CA10: variants seen among roughly 807,000 people sequenced by gnomAD.
CA10 encodes carbonic anhydrase 10 (inactive).
Under a neutral mutation model 44.2 loss-of-function variants are expected in CA10, and 14 were observed. That is an observed-to-expected ratio of 0.32 (90% CI 0.21 to 0.50). The LOEUF (loss-of-function observed/expected upper bound fraction) is 0.50, where lower values mean the gene tolerates loss of function less well. CA10 is among the 20% of genes least tolerant of loss of function. CA10 has a pLI of 0.99. For synonymous variants in CA10, 159 were observed against 141.6 expected (o/e 1.12, Z -0.87); for missense variants, 350 against 409.7 (o/e 0.85, Z 1.26).
chr17:51,868,661 GTCCAGC>G (rs1979661258), intron 3 of CA10, among the ~76,000 whole-genome samples: 1 of 151,906 alleles, frequency 6.6e-6, no homozygotes, highest in Non-Finnish European at 1.5e-5. Flanking sequence ...TCTCTCCCTA[GTCCAGC>G]ACTGCTCAGA....
At chr17:52,057,254 G>T (rs1473098854) in intron 2 of CA10, among the ~76,000 whole-genome samples, 1 of 151,946 alleles carries the variant, frequency 6.6e-6, no homozygotes, top group Non-Finnish European at 1.5e-5. Context: ...TGCCCATCCT[G>T]CTTCCCCATC....
At chr17:51,638,456 T>C (rs930747737) in intron 6 of CA10, among the ~76,000 whole-genome samples, 1 of 152,234 alleles carries the variant, frequency 6.6e-6, no homozygotes, top group Admixed American at 6.5e-5. Flanking sequence ...ACACAGTGAT[T>C]GGAATATGGC....
chr17:51,653,725 G>T lies in CA10; in HGVS notation c.477C>A (p.Ile159=). 1 of 1,602,130 alleles carries T rather than the reference G, an allele frequency of 6.2e-7. No homozygotes were observed. Among genetic ancestry groups the T allele is most frequent in the African/African-American group, 1.3e-5 (1 of 74,770 alleles). Residue 159 remains isoleucine (I), a synonymous_variant, in exon 5 of 9, where the codon ATC becomes ATA. Coordinates refer to ENST00000451037, the MANE Select transcript of CA10 (RefSeq NM_020178.5). The part of the protein sequence containing the change: ...GQAFSGEVQL[I]HYNHELYTNV... ...TCGTATATAGCTCATGGTTATAGTG[G>T]ATGAGCTGCACCTGGCAGGAGGGAA...
intron 1 of CA10, among the ~76,000 whole-genome samples, chr17:52,124,019 A>G (rs1047000123): frequency 9.8e-5 from 15 of 152,348 alleles, no homozygotes; most frequent in African/African-American, 3.6e-4. Flanking sequence ...CATGTTCCAC[A>G]GATGCTTCCT....
At chr17:52,074,878 GA>G (rs914732853) in intron 1 of CA10, among the ~76,000 whole-genome samples, 1 of 150,924 alleles carries the variant, frequency 6.6e-6, no homozygotes, top group African/African-American at 2.4e-5. Flanking sequence ...TTAAATGGTT[GA>G]AAAAAAAGGG....
At chr17:51,715,148 T>C (rs532184430) in intron 4 of CA10, among the ~76,000 whole-genome samples, 61 of 151,946 alleles carry the variant, frequency 4.0e-4, no homozygotes, top group African/African-American at 1.4e-3. Context: ...TTCTCACTCA[T>C]AGGTGGGAAT....
In CA10 at chr17:51,971,775, CATAAA is replaced by C. The variant is rs4058370; in HGVS notation, c.137-40648_137-40644del. Among the ~76,000 whole-genome samples the C allele has an allele frequency of 1.3e-3, 201 of 152,002 alleles. 3 individuals carry two copies. The South Asian group carries it at 0.022, about 16-fold the overall frequency. On this transcript the variant is annotated intron_variant, in intron 2 of 8. Coordinates refer to ENST00000451037, the MANE Select transcript of CA10 (RefSeq NM_020178.5). Reference sequence around the variant, plus strand: ...TAATAAAAAGCTATTCTTACTTATACATAAAATAAAGATGCTAGAGATCTATTTTA... The same window carrying C: ...TAATAAAAAGCTATTCTTACTTATACATAAAGATGCTAGAGATCTATTTTA...
chr17:51,709,940 C>A (rs181291748), intron 4 of CA10, among the ~76,000 whole-genome samples: 1 of 152,304 alleles, frequency 6.6e-6, no homozygotes, highest in Non-Finnish European at 1.5e-5. Context: ...CCATACATTT[C>A]ACTTCTTCAG....
At chr17:51,729,462 G>A (rs1421114697) in intron 4 of CA10, among the ~76,000 whole-genome samples, 1 of 152,136 alleles carries the variant, frequency 6.6e-6, no homozygotes, top group African/African-American at 2.4e-5. Context: ...CACTGCATAT[G>A]GACTTTTCAT....
chr17:51,785,698 G>T (rs964751504), intron 3 of CA10, among the ~76,000 whole-genome samples: 3 of 152,126 alleles, frequency 2.0e-5, no homozygotes, highest in Admixed American at 6.5e-5. Context: ...TGCTGTTTTG[G>T]TTACTAGAGC....
intron 2 of CA10, among the ~76,000 whole-genome samples, chr17:51,987,765 A>C (rs2086916878): frequency 6.6e-6 from 1 of 152,040 alleles, no homozygotes; most frequent in Admixed American, 6.6e-5. Flanking sequence ...AAGGCGATTA[A>C]GAGAGGGGTA....
intron 2 of CA10, among the ~76,000 whole-genome samples, chr17:51,987,681 C>T (rs1346536359): frequency 1.3e-5 from 2 of 151,836 alleles, no homozygotes; most frequent in African/African-American, 4.8e-5. Flanking sequence ...ATCTGACTAC[C>T]AAATCTGATA....
intron 3 of CA10, among the ~76,000 whole-genome samples, chr17:51,818,439 T>C (rs1411095884): frequency 6.6e-6 from 1 of 152,214 alleles, no homozygotes; most frequent in Non-Finnish European, 1.5e-5. Context: ...CTTCCAACGC[T>C]GGCATTACAT....
chr17:51,937,934 A>G (rs1982930626), intron 2 of CA10, among the ~76,000 whole-genome samples: 1 of 152,100 alleles, frequency 6.6e-6, no homozygotes, highest in African/African-American at 2.4e-5. Flanking sequence ...CATCTCCTCA[A>G]ACAGAGATAT....
At chr17:51,950,754 G>A (rs184624773) in intron 2 of CA10, among the ~76,000 whole-genome samples, 33 of 152,208 alleles carry the variant, frequency 2.2e-4, no homozygotes, top group Non-Finnish European at 3.7e-4. Flanking sequence ...CATGCCATCT[G>A]TTTCTTCCCA....
intron 2 of CA10, among the ~76,000 whole-genome samples, chr17:52,050,249 C>CT (rs905602023): frequency 2.6e-5 from 4 of 151,696 alleles, no homozygotes; most frequent in Non-Finnish European, 4.4e-5. Context: ...TCCTTCGTTG[C>CT]TTTTTTTTCC....
chr17:51,828,981 G>A lies in CA10; in HGVS notation c.280-81163C>T, dbSNP rs992638237. Among the ~76,000 whole-genome samples, 3 of 152,150 alleles carry A rather than the reference G, an allele frequency of 2.0e-5. No individual in the cohort carries two copies. The East Asian group carries it at 5.8e-4, about 29-fold the overall frequency. On this transcript the variant is annotated intron_variant, in intron 3 of 8. Transcript: ENST00000451037. Reference sequence around the variant, plus strand: ...CATCACAGGTGAAGAGTTTCATTCCGTGATTTTATTAAGATGTCTGGTTGT... The same window carrying A: ...CATCACAGGTGAAGAGTTTCATTCCATGATTTTATTAAGATGTCTGGTTGT...
chr17:52,088,677 T>C (rs1314463104), intron 1 of CA10, among the ~76,000 whole-genome samples: 1 of 152,192 alleles, frequency 6.6e-6, no homozygotes, highest in East Asian at 1.9e-4. Flanking sequence ...AAAATGCACT[T>C]CAAAATAGGC....
intron 3 of CA10, among the ~76,000 whole-genome samples, chr17:51,801,474 C>T (rs1470978011): frequency 6.6e-6 from 1 of 151,366 alleles, no homozygotes; most frequent in Non-Finnish European, 1.5e-5. Flanking sequence ...CTAATTTTCA[C>T]ACTAGAGGAA....
Sources: gnomAD v4.1 joint callset for allele counts (sites outside exome capture counted in the v4.1 genomes callset) on GRCh38, gnomAD v4.1.1 for gene constraint, MANE v1.5 for transcripts, NCBI Gene and HGNC (gene_info 2026-07-23, HGNC 2026-07-21) for gene names.